Variants in EPHA3 observed in about 807,000 individuals in gnomAD.
The protein encoded by EPHA3 is EPH receptor A3, also known as ephrin type-A receptor 3.
A neutral mutation model predicts 107.1 loss-of-function variants in EPHA3; 42 were observed. The ratio of observed to expected loss-of-function variants is 0.39; its 90% CI spans 0.31 to 0.51. EPHA3 has a LOEUF of 0.51. Among genes scored for constraint, EPHA3 ranks in the 20% least tolerant of loss-of-function variants. The pLI is 0.78. For synonymous variants in EPHA3, 461 were observed against 424.8 expected (o/e 1.09, Z -1.05); for missense variants, 1,183 against 1,211.2 (o/e 0.98, Z 0.35).
At chr3:89,450,996 GA>G (rs1274003400) in intron 15 of EPHA3, among the ~76,000 whole-genome samples, 1 of 152,094 alleles carries the variant, frequency 6.6e-6, no homozygotes, top group African/African-American at 2.4e-5. Flanking sequence ...TAAAGAAAAA[GA>G]AATTATCCAA....
At chr3:89,410,392 A>C (rs902677725) in intron 9 of EPHA3, among the ~76,000 whole-genome samples, 2 of 151,974 alleles carry the variant, frequency 1.3e-5, no homozygotes, top group African/African-American at 4.8e-5. Context: ...GTTTAAGGCC[A>C]ATGCTTATTT....
intron 5 of EPHA3, among the ~76,000 whole-genome samples, chr3:89,383,896 C>T (rs973858433): frequency 6.6e-6 from 1 of 151,924 alleles, no homozygotes; most frequent in African/African-American, 2.4e-5. Flanking sequence ...GATCTGCCCA[C>T]CTCGGCCCCC....
chr3:89,266,142 T>A (rs905803057), intron 3 of EPHA3, among the ~76,000 whole-genome samples: 53 of 152,182 alleles, frequency 3.5e-4, no homozygotes, highest in African/African-American at 1.1e-3. Flanking sequence ...ATAATAAAAA[T>A]AGCATAAAGT....
chr3:89,244,742 G>T (rs1228440599), intron 3 of EPHA3, among the ~76,000 whole-genome samples: 1 of 152,196 alleles, frequency 6.6e-6, no homozygotes. Flanking sequence ...AGCTTTATCA[G>T]TGGCTATAAT....
At chr3:89,414,314 C>T (rs1168112248) in intron 10 of EPHA3, among the ~76,000 whole-genome samples, 3 of 151,578 alleles carry the variant, frequency 2.0e-5, no homozygotes, top group Admixed American at 1.3e-4. Flanking sequence ...AATTTCTTAT[C>T]CTAAAATTTA....
intron 2 of EPHA3, among the ~76,000 whole-genome samples, chr3:89,191,733 T>C (rs1425553152): frequency 2.0e-5 from 3 of 152,182 alleles, no homozygotes; most frequent in Admixed American, 6.5e-5. Context: ...AATGACTGAT[T>C]CATTTGTTTT....
intron 1 of EPHA3, among the ~76,000 whole-genome samples, chr3:89,114,274 A>G (rs1707196805): frequency 6.6e-6 from 1 of 152,184 alleles, no homozygotes; most frequent in Admixed American, 6.5e-5. Flanking sequence ...CACAAAGCAG[A>G]GCCGTACGGG....
At chr3:89,147,183 C>T (rs908211780) in intron 2 of EPHA3, among the ~76,000 whole-genome samples, 2 of 151,334 alleles carry the variant, frequency 1.3e-5, no homozygotes, top group African/African-American at 2.4e-5. Flanking sequence ...CAGGGCCTGT[C>T]GGGGGTGGGG....
At chr3:89,393,967 G>T (rs1284002655) in intron 5 of EPHA3, among the ~76,000 whole-genome samples, 1 of 115,900 alleles carries the variant, frequency 8.6e-6, no homozygotes, top group Non-Finnish European at 1.8e-5. Context: ...TAAAATAGAG[G>T]ATTATTGAAT....
intron 3 of EPHA3, among the ~76,000 whole-genome samples, chr3:89,338,018 C>T (rs1423104049): frequency 1.3e-5 from 2 of 152,164 alleles, no homozygotes; most frequent in Non-Finnish European, 2.9e-5. Context: ...AATAACTTGG[C>T]TTCAAGTTGT....
chr3:89,307,257 C>T (rs1229819777), intron 3 of EPHA3, among the ~76,000 whole-genome samples: 5 of 152,126 alleles, frequency 3.3e-5, no homozygotes, highest in Admixed American at 6.5e-5. Flanking sequence ...TTCTTTGTAG[C>T]CAGCATCCAT....
chr3:89,388,399 G>A (rs1708664527), intron 5 of EPHA3, among the ~76,000 whole-genome samples: 1 of 152,124 alleles, frequency 6.6e-6, no homozygotes, highest in Non-Finnish European at 1.5e-5. Flanking sequence ...GGGAGAAGGA[G>A]CAACTATACT....
intron 3 of EPHA3, among the ~76,000 whole-genome samples, chr3:89,237,639 C>T (rs143775670): frequency 9.9e-5 from 15 of 151,928 alleles, no homozygotes; most frequent in East Asian, 1.9e-4. Flanking sequence ...TTTGTTAAGT[C>T]GTGGCCAATT....
chr3:89,436,374 G>A (rs1392183849), intron 13 of EPHA3, among the ~76,000 whole-genome samples: 5 of 152,142 alleles, frequency 3.3e-5, no homozygotes, highest in African/African-American at 4.8e-5. Context: ...TAAAAAGTCA[G>A]TCACATTAAT....
At chr3:89,183,880 A>C (rs1705500573) in intron 2 of EPHA3, among the ~76,000 whole-genome samples, 1 of 151,950 alleles carries the variant, frequency 6.6e-6, no homozygotes, top group South Asian at 2.1e-4. Context: ...TAATTGTAAA[A>C]GTCTGTGAGA....
intron 11 of EPHA3, among the ~76,000 whole-genome samples, chr3:89,423,409 G>A (rs1253455925): frequency 6.6e-6 from 1 of 151,200 alleles, no homozygotes; most frequent in African/African-American, 2.4e-5. Context: ...CCAAATTCTA[G>A]TTATTTTCTG....
At chr3:89,196,426 C>T (rs1705837874) in intron 2 of EPHA3, among the ~76,000 whole-genome samples, 1 of 111,750 alleles carries the variant, frequency 8.9e-6, no homozygotes, top group African/African-American at 4.0e-5. Context: ...GGAGAGATTT[C>T]AAGTCATAGA....
intron 2 of EPHA3, among the ~76,000 whole-genome samples, chr3:89,182,324 ATAGTC>A: frequency 6.6e-6 from 1 of 152,066 alleles, no homozygotes; most frequent in African/African-American, 2.4e-5. Flanking sequence ...TGCTAATGGT[ATAGTC>A]TGTACAGTAC....
chr3:89,199,600 AT>A (rs967093105), intron 2 of EPHA3, among the ~76,000 whole-genome samples: 3 of 152,038 alleles, frequency 2.0e-5, no homozygotes, highest in Non-Finnish European at 2.9e-5. Context: ...TAATTTTTGA[AT>A]TTTTTTATTT....
Sources: gnomAD v4.1 joint callset for allele counts (sites outside exome capture counted in the v4.1 genomes callset) on GRCh38, gnomAD v4.1.1 for gene constraint, MANE v1.5 for transcripts, NCBI Gene and HGNC (gene_info 2026-07-23, HGNC 2026-07-21) for gene names.